Variants in NRG1 observed in about 807,000 individuals in gnomAD.
The protein encoded by NRG1 is pro-neuregulin-1, membrane-bound isoform.
Under a neutral mutation model 63.8 loss-of-function variants are expected in NRG1, and 18 were observed. The observed-to-expected ratio is 0.28, with a 90% confidence interval of 0.19 to 0.42. The LOEUF is 0.42. Among genes scored for constraint, NRG1 ranks in the 10% least tolerant of loss-of-function variants. The probability of loss-of-function intolerance (pLI) is 1.00; values close to 1 mark genes in which losing one functional copy is unlikely to be tolerated. For synonymous variants in NRG1, 302 were observed against 301.3 expected, an observed-to-expected ratio of 1.00 and a Z score of -0.02; for missense variants, 762 against 814.7, an observed-to-expected ratio of 0.94 and a Z score of 0.79.
intron 5 of NRG1, chr8:32,646,588 C>A: frequency 2.9e-6 from 2 of 696,528 alleles, no homozygotes; most frequent in Non-Finnish European, 3.5e-6. Context: ...AGATTGCTAG[C>A]ATCGATCGCT....
intron 1 of NRG1, among the ~76,000 whole-genome samples, chr8:32,566,046 G>C (rs1262193247): frequency 1.3e-5 from 2 of 152,088 alleles, no homozygotes; most frequent in Admixed American, 1.3e-4. Flanking sequence ...CCCTCTGGCT[G>C]AACTCAGGAT....
At chr8:32,371,358 A>C (rs1038559965) in intron 1 of NRG1, among the ~76,000 whole-genome samples, 11 of 152,238 alleles carry the variant, frequency 7.2e-5, no homozygotes, top group Non-Finnish European at 2.9e-5. Context: ...GCATTCTGTG[A>C]CTGCGTGGTC....
chr8:32,230,610 A>G (rs1015521995), intron 1 of NRG1, among the ~76,000 whole-genome samples: 2 of 152,208 alleles, frequency 1.3e-5, no homozygotes, highest in Non-Finnish European at 2.9e-5. Context: ...GGAGGTTCTC[A>G]TAACAGTCCA....
chr8:32,478,788 G>T (rs911136444), intron 1 of NRG1, among the ~76,000 whole-genome samples: 8 of 152,134 alleles, frequency 5.3e-5, no homozygotes, highest in African/African-American at 1.7e-4. Flanking sequence ...CATGAGTTCA[G>T]GTTAAAAAAG....
intron 6 of NRG1, among the ~76,000 whole-genome samples, chr8:32,737,423 T>A (rs960562965): frequency 2.0e-5 from 3 of 151,990 alleles, no homozygotes; most frequent in African/African-American, 7.2e-5. Context: ...TGGTGGTGCA[T>A]GCCTGTAATC....
chr8:32,508,112 A>G (rs1255424236), intron 1 of NRG1, among the ~76,000 whole-genome samples: 1 of 152,230 alleles, frequency 6.6e-6, no homozygotes, highest in African/African-American at 2.4e-5. Flanking sequence ...AACCATTAAC[A>G]AAGAATGGTA....
chr8:32,690,632 A>G (rs1285691017), intron 5 of NRG1, among the ~76,000 whole-genome samples: 1 of 152,168 alleles, frequency 6.6e-6, no homozygotes, highest in Non-Finnish European at 1.5e-5. Flanking sequence ...CCAGGACTCC[A>G]AAGAATTAAA....
intron 1 of NRG1, among the ~76,000 whole-genome samples, chr8:31,840,893 T>C (rs549461606): frequency 6.6e-6 from 1 of 152,168 alleles, no homozygotes; most frequent in Non-Finnish European, 1.5e-5. Context: ...AGCCAAGTTT[T>C]TTTTTAGGCT....
intron 1 of NRG1, among the ~76,000 whole-genome samples, chr8:32,452,426 G>T (rs1288163888): frequency 6.6e-6 from 1 of 152,128 alleles, no homozygotes; most frequent in Non-Finnish European, 1.5e-5. Context: ...AGTCCAAGAT[G>T]AGAAGACAGT....
chr8:32,118,603 C>A (rs1833047909), intron 1 of NRG1, among the ~76,000 whole-genome samples: 1 of 152,100 alleles, frequency 6.6e-6, no homozygotes, highest in Non-Finnish European at 1.5e-5. Context: ...TGGGCATTTC[C>A]TATGTGCGAG....
intron 1 of NRG1, among the ~76,000 whole-genome samples, chr8:32,589,257 G>A (rs1045431741): frequency 2.0e-5 from 3 of 152,190 alleles, no homozygotes; most frequent in African/African-American, 4.8e-5. Flanking sequence ...AATCAACTTC[G>A]TGAGATAGTA....
At chr8:31,844,392 T>C (rs566818660) in intron 1 of NRG1, among the ~76,000 whole-genome samples, 1 of 152,278 alleles carries the variant, frequency 6.6e-6, no homozygotes, top group Non-Finnish European at 1.5e-5. Context: ...GTTGGCAGAT[T>C]TTTCTCCCCA....
At chr8:31,941,182 CA>C (rs1414155245) in intron 1 of NRG1, among the ~76,000 whole-genome samples, 1 of 152,158 alleles carries the variant, frequency 6.6e-6, no homozygotes, top group East Asian at 1.9e-4. Flanking sequence ...AACAGTATAT[CA>C]AAAAGATAAT....
chr8:32,246,323 C>T (rs1046984143), intron 1 of NRG1, among the ~76,000 whole-genome samples: 9 of 152,292 alleles, frequency 5.9e-5, no homozygotes, highest in African/African-American at 1.7e-4. Context: ...AGTCATTCCT[C>T]ATCAGTTCCT....
In NRG1 at chr8:31,816,885, T is replaced by G. The variant is rs1286966050; in HGVS notation, c.37+177454T>G. On this transcript the variant is annotated intron_variant, in intron 1 of 10. Transcript: ENST00000519301. ...ATAAAAATTCATATTTTATTTTTAT[T>G]CACATGCTGATTGATTTAGATGTTA... Among the ~76,000 whole-genome samples the G allele has an allele frequency of 2.0e-5, 3 of 152,316 alleles. No homozygotes were observed. In the East Asian group the frequency reaches 5.8e-4, roughly 29 times the overall value.
At chr8:31,990,333 A>G (rs1810845061) in intron 1 of NRG1, among the ~76,000 whole-genome samples, 1 of 152,124 alleles carries the variant, frequency 6.6e-6, no homozygotes, top group Non-Finnish European at 1.5e-5. Flanking sequence ...TTATGTACCC[A>G]ATCACAGGAT....
chr8:32,515,660 C>T (rs1829750331), intron 1 of NRG1, among the ~76,000 whole-genome samples: 2 of 152,216 alleles, frequency 1.3e-5, no homozygotes, highest in East Asian at 3.9e-4. Flanking sequence ...GGGCTGGTCT[C>T]AAACTTCTGA....
chr8:32,060,304 C>T lies in NRG1; in HGVS notation c.37+420873C>T, dbSNP rs1313818403. 2.0e-5 allele frequency among the ~76,000 whole-genome samples: 3 copies of T among 151,332 alleles called. No individual in the cohort carries two copies. The East Asian group carries it at 5.8e-4, about 29-fold the overall frequency. On this transcript the variant is annotated intron_variant, in intron 1 of 10. Transcript: ENST00000519301. ...TTTTTTTATCTAATAGAACTATTTA[C>T]ACTTAAAATCTTTATCCTTAGTGAG...
intron 1 of NRG1, among the ~76,000 whole-genome samples, chr8:32,208,073 C>T (rs1844263562): frequency 6.6e-6 from 1 of 152,128 alleles, no homozygotes; most frequent in Non-Finnish European, 1.5e-5. Context: ...ATGCCTAGGT[C>T]TCTGTCTAAT....
Sources: gnomAD v4.1 joint callset for allele counts (sites outside exome capture counted in the v4.1 genomes callset) on GRCh38, gnomAD v4.1.1 for gene constraint, MANE v1.5 for transcripts, NCBI Gene and HGNC (gene_info 2026-07-23, HGNC 2026-07-21) for gene names.